Variants in POTEC observed in about 807,000 individuals in gnomAD.
POTEC encodes POTE ankyrin domain family member C, also known as ANKRD26-like family B member 2.
In POTEC, 35 loss-of-function variants were observed where a neutral mutation model predicts 62.0. The ratio of observed to expected loss-of-function variants is 0.56; its 90% CI spans 0.43 to 0.75. The LOEUF (loss-of-function observed/expected upper bound fraction) is 0.75, where lower values mean the gene tolerates loss of function less well. Ranked by LOEUF, POTEC falls within the 30% of genes least tolerant of loss-of-function variation. POTEC has a pLI of 0.00. For missense variants in POTEC, 472 were observed against 655.9 expected, an observed-to-expected ratio of 0.72 and a Z score of 3.06; for synonymous variants, 156 against 221.5, an observed-to-expected ratio of 0.70 and a Z score of 2.62.
At chr18:14,515,602 T>A (rs1250345387) in intron 9 of POTEC, among the ~76,000 whole-genome samples, 1 of 151,836 alleles carries the variant, frequency 6.6e-6, no homozygotes, top group Admixed American at 6.6e-5. Flanking sequence ...AGGCAAATAA[T>A]TTATGATGAG....
intron 9 of POTEC, among the ~76,000 whole-genome samples, chr18:14,515,427 C>A (rs1910119776): frequency 6.6e-6 from 1 of 151,894 alleles, no homozygotes; most frequent in Admixed American, 6.6e-5. Context: ...AGAAAGGATA[C>A]AAAAACATAC....
At chr18:14,521,451 T>G (rs113863397) in intron 9 of POTEC, among the ~76,000 whole-genome samples, 20,552 of 152,204 alleles carry the variant, frequency 0.14, 1,513 homozygotes, top group Non-Finnish European at 0.15. Flanking sequence ...TATTTCCTAT[T>G]GGTAAGGATT....
chr18:14,511,611 C>G lies in POTEC; in HGVS notation c.*287G>C, dbSNP rs1452420563. The G allele has an allele frequency of 5.8e-6, 3 of 516,006 alleles. No homozygotes were observed. Among genetic ancestry groups the G allele is most frequent in the African/African-American group, 4.3e-5 (2 of 46,188 alleles). 32.0% of individuals were successfully genotyped at this position (516,006 alleles called of 1,614,324 possible). A position where few individuals can be genotyped will look rare whatever the true frequency, so the allele number is the denominator to read the frequency against. ...TTCTCTGGAAAGAAGTCCCTTTCAG[C>G]TATCTGACTTTGATCACAATCATGT... On this transcript the variant is annotated 3_prime_UTR_variant, in exon 11 of 11. Coordinates refer to ENST00000358970, the MANE Select transcript of POTEC (RefSeq NM_001137671.2).
intron 1 of POTEC, among the ~76,000 whole-genome samples, chr18:14,541,843 A>G (rs2143173746): frequency 6.6e-6 from 1 of 152,148 alleles, no homozygotes; most frequent in Middle Eastern, 3.4e-3. Flanking sequence ...CATCACCATT[A>G]TCAAGTGCTA....
chr18:14,540,136 G>C (rs1255965074), intron 1 of POTEC, among the ~76,000 whole-genome samples: 1 of 151,858 alleles, frequency 6.6e-6, no homozygotes, highest in African/African-American at 2.4e-5. Context: ...TATAATGAAA[G>C]ATAATTATAT....
chr18:14,525,015 G>A (rs1415501016), intron 6 of POTEC, 32 bp from the exon 7 acceptor site: 2 of 1,588,086 alleles, frequency 1.3e-6, no homozygotes, highest in Non-Finnish European at 8.6e-7. Context: ...CAGTTAAGAT[G>A]AACCACTTAG....
Position 14,508,705 on chromosome 18 carries a change from G to C in POTEC, c.*3193C>G, listed in dbSNP as rs1378266539. On this transcript the variant is annotated 3_prime_UTR_variant, in exon 11 of 11. Transcript: ENST00000358970. Reference sequence around the variant, plus strand: ...TGAACTTTGTTCCTACCCATATCCTGAACTCTGCTTGTATCATTTCAGACA... The same window carrying C: ...TGAACTTTGTTCCTACCCATATCCTCAACTCTGCTTGTATCATTTCAGACA... The C allele has an allele frequency of 6.6e-6, 1 of 152,432 alleles. No homozygotes were observed. The highest frequency in any genetic ancestry group is 1.5e-5 in the Non-Finnish European group (1 of 68,010). 9.4% of individuals were successfully genotyped at this position (152,432 alleles called of 1,614,324 possible).
At chr18:14,519,998 T>G (rs1387428449) in intron 9 of POTEC, among the ~76,000 whole-genome samples, 1 of 152,130 alleles carries the variant, frequency 6.6e-6, no homozygotes, top group Non-Finnish European at 1.5e-5. Flanking sequence ...AAATTAGTGA[T>G]AATCTTGAGG....
intron 6 of POTEC, among the ~76,000 whole-genome samples, chr18:14,530,106 G>T (rs1189507683): frequency 6.6e-6 from 1 of 151,746 alleles, no homozygotes; most frequent in African/African-American, 2.4e-5. Flanking sequence ...GATAGCACTA[G>T]ATACTCATTG....
At chr18:14,541,592 T>C (rs1380015152) in intron 1 of POTEC, among the ~76,000 whole-genome samples, 1 of 152,146 alleles carries the variant, frequency 6.6e-6, no homozygotes, top group African/African-American at 2.4e-5. Context: ...TGAGCTGATA[T>C]TGCACCACTG....
intron 3 of POTEC, among the ~76,000 whole-genome samples, chr18:14,536,236 A>C (rs1905709929): frequency 6.9e-6 from 1 of 144,156 alleles, no homozygotes; most frequent in African/African-American, 2.6e-5. Flanking sequence ...AAAACAAACA[A>C]AAATTTAGAT....
intron 1 of POTEC, among the ~76,000 whole-genome samples, chr18:14,539,686 T>G (rs1198377672): frequency 6.6e-6 from 1 of 151,584 alleles, no homozygotes; most frequent in East Asian, 2.0e-4. Flanking sequence ...GCTAAAACAG[T>G]CTTTACCCAA....
chr18:14,519,895 G>A (rs28579500), intron 9 of POTEC, among the ~76,000 whole-genome samples: 2 of 151,650 alleles, frequency 1.3e-5, no homozygotes, highest in East Asian at 1.9e-4. Context: ...TGAAGACGCC[G>A]TTAGGGAGGA....
chr18:14,516,298 TTATATATATATATATATATA>T (rs200611192), intron 9 of POTEC, among the ~76,000 whole-genome samples: 5 of 25,122 alleles, frequency 2.0e-4, no homozygotes, highest in Admixed American at 1.2e-3. Context: ...AAAGAAAATT[TTATATATATATATATATATA>T]TATATATATA....
At chr18:14,517,373 C>T (rs1910192168) in intron 9 of POTEC, among the ~76,000 whole-genome samples, 4 of 152,178 alleles carry the variant, frequency 2.6e-5, no homozygotes, top group Admixed American at 2.6e-4. Context: ...ATGTGAGCAG[C>T]TTGCTTCTGA....
At chr18:14,527,683 T>C (rs542268069) in intron 6 of POTEC, 13 of 152,114 alleles carry the variant, frequency 8.5e-5, no homozygotes, top group Non-Finnish European at 1.8e-4. Flanking sequence ...ACTGAGAACA[T>C]AAACATTTAC....
In POTEC at chr18:14,529,826, T is replaced by C. The variant is rs1214379563; in HGVS notation, c.1126+657A>G. ...TGAAGTCAGTAAGAGTGAGACCTTGTTGGGACAAGGATATGTAACATGACT... is the reference window on the plus strand; with the variant it reads ...TGAAGTCAGTAAGAGTGAGACCTTGCTGGGACAAGGATATGTAACATGACT... On this transcript the variant is annotated intron_variant, in intron 6 of 10. Transcript: ENST00000358970. Among the ~76,000 whole-genome samples, 7 of 152,040 alleles carry C rather than the reference T, an allele frequency of 4.6e-5. No homozygotes were observed. In the South Asian group the frequency reaches 8.3e-4, roughly 18 times the overall value.
intron 1 of POTEC, among the ~76,000 whole-genome samples, chr18:14,538,636 CTAACACAAA>C (rs1905831178): frequency 1.3e-5 from 2 of 151,764 alleles, no homozygotes; most frequent in Admixed American, 1.3e-4. Context: ...AGAATAGTTC[CTAACACAAA>C]TAACAGCTCA....
At chr18:14,517,507 C>T (rs1023547103) in intron 9 of POTEC, among the ~76,000 whole-genome samples, 7 of 152,036 alleles carry the variant, frequency 4.6e-5, no homozygotes, top group African/African-American at 1.4e-4. Flanking sequence ...GGTTCATAAT[C>T]CCTTGAAAAG....
Sources: allele counts gnomAD v4.1 joint callset (sites outside exome capture counted in the v4.1 genomes callset), GRCh38; gene constraint gnomAD v4.1.1; transcripts MANE v1.5; gene names NCBI Gene and HGNC (gene_info 2026-07-23, HGNC 2026-07-21).